The following FTO variants were observed in gnomAD, a reference collection of about 807,000 sequenced individuals.
The protein encoded by FTO is alpha-ketoglutarate-dependent dioxygenase FTO.
FTO carries 47 observed loss-of-function variants against 63.9 expected under a neutral mutation model. The ratio of observed to expected loss-of-function variants is 0.74; its 90% CI spans 0.58 to 0.94. The LOEUF is 0.94. Ranked by LOEUF, FTO falls within the 40% of genes least tolerant of loss-of-function variation. The pLI, the probability that FTO is intolerant of heterozygous loss-of-function variation, is 0.00. For missense variants in FTO, 562 were observed against 618.1 expected, an observed-to-expected ratio of 0.91 and a Z score of 0.96; for synonymous variants, 207 against 224.4, an observed-to-expected ratio of 0.92 and a Z score of 0.69.
chr16:53,931,871 A>AACACACACACAC (rs35135177), intron 7 of FTO, among the ~76,000 whole-genome samples: 115 of 145,794 alleles, frequency 7.9e-4, no homozygotes, highest in African/African-American at 2.4e-3. Context: ...TTTTACATTA[A>AACACACACACAC]ACACACACAC....
intron 8 of FTO, among the ~76,000 whole-genome samples, chr16:54,050,010 CACTTG>C (rs2085277135): frequency 6.6e-6 from 1 of 152,186 alleles, no homozygotes. Context: ...CGGCCCTTTT[CACTTG>C]ACTTTTCTCT....
chr16:53,796,376 G>A (rs1442117398), intron 1 of FTO, among the ~76,000 whole-genome samples: 1 of 152,114 alleles, frequency 6.6e-6, no homozygotes, highest in Non-Finnish European at 1.5e-5. Context: ...AACAAACAAA[G>A]GTGGGCATAG....
At chr16:53,774,331 A>G (rs1383748325) in intron 1 of FTO, among the ~76,000 whole-genome samples, 3 of 152,144 alleles carry the variant, frequency 2.0e-5, no homozygotes, top group Non-Finnish European at 4.4e-5. Context: ...CTTATATTCA[A>G]AGCTCCAGGT....
intron 1 of FTO, among the ~76,000 whole-genome samples, chr16:53,733,562 C>T (rs1182702242): frequency 6.6e-6 from 1 of 152,132 alleles, no homozygotes; most frequent in African/African-American, 2.4e-5. Flanking sequence ...TATTTACTTA[C>T]TTGGCTTTGA....
At chr16:53,785,001 T>C (rs112617418) in intron 1 of FTO, among the ~76,000 whole-genome samples, 18 of 152,210 alleles carry the variant, frequency 1.2e-4, no homozygotes, top group African/African-American at 4.3e-4. Flanking sequence ...GAGTGGCAAA[T>C]AGTAAGTAGC....
intron 1 of FTO, among the ~76,000 whole-genome samples, chr16:53,714,151 G>A (rs1171507286): frequency 6.6e-6 from 1 of 152,184 alleles, no homozygotes; most frequent in Non-Finnish European, 1.5e-5. Flanking sequence ...TTATGTTGCA[G>A]CTGCTCTGAG....
At chr16:54,005,915 A>G (rs1400290488) in intron 8 of FTO, among the ~76,000 whole-genome samples, 3 of 152,210 alleles carry the variant, frequency 2.0e-5, no homozygotes, top group Non-Finnish European at 4.4e-5. Flanking sequence ...GAAGTATCCT[A>G]GAAATGTTTT....
At chr16:54,059,670 C>T (rs375490224) in intron 8 of FTO, among the ~76,000 whole-genome samples, 187 of 152,214 alleles carry the variant, frequency 1.2e-3, no homozygotes, top group African/African-American at 4.2e-3. Flanking sequence ...TTGGCCGTTT[C>T]GAAGATAATT....
At chr16:53,822,932 T>TTTCTCTA (rs2078906501) in intron 2 of FTO, among the ~76,000 whole-genome samples, 6 of 152,240 alleles carry the variant, frequency 3.9e-5, no homozygotes, top group African/African-American at 1.4e-4. Flanking sequence ...TTCTCATGAG[T>TTTCTCTA]GTACTGAGAA....
intron 4 of FTO, among the ~76,000 whole-genome samples, chr16:53,864,522 G>A (rs1281681536): frequency 6.6e-6 from 1 of 152,150 alleles, no homozygotes; most frequent in Non-Finnish European, 1.5e-5. Flanking sequence ...GAGATTTCAT[G>A]CTACAGTGAA....
chr16:54,063,932 C>T (rs553471138), intron 8 of FTO: 1 of 152,042 alleles, frequency 6.6e-6, no homozygotes, highest in South Asian at 2.1e-4. Context: ...CTTCTTCTGA[C>T]TGCTTTTAAG....
intron 1 of FTO, among the ~76,000 whole-genome samples, chr16:53,718,503 C>G (rs1321285888): frequency 6.6e-6 from 1 of 151,952 alleles, no homozygotes; most frequent in Non-Finnish European, 1.5e-5. Context: ...TAATTATACT[C>G]TCCTCTCCTT....
intron 8 of FTO, among the ~76,000 whole-genome samples, chr16:54,058,366 A>G (rs1567545284): frequency 6.6e-6 from 1 of 151,936 alleles, no homozygotes; most frequent in East Asian, 1.9e-4. Flanking sequence ...CAGGTGATTC[A>G]CCCACCTCAG....
At chr16:54,062,270 C>T (rs2085595359) in intron 8 of FTO, among the ~76,000 whole-genome samples, 1 of 152,190 alleles carries the variant, frequency 6.6e-6, no homozygotes. Context: ...CTGAAAATGA[C>T]AACATTCAAA....
intron 3 of FTO, among the ~76,000 whole-genome samples, chr16:53,838,722 C>G (rs935069655): frequency 5.3e-5 from 8 of 151,736 alleles, no homozygotes; most frequent in African/African-American, 1.9e-4. Flanking sequence ...GCCTGTAATC[C>G]CCACCACTCA....
chr16:54,061,605 T>TTGTGTGTGTG (rs78465059), intron 8 of FTO: 1 of 149,454 alleles, frequency 6.7e-6, no homozygotes, highest in Non-Finnish European at 1.5e-5. Context: ...GCATGTGTGT[T>TTGTGTGTGTG]TGTGTGTGTG....
chr16:53,792,227 A>AT (rs2077942975), intron 1 of FTO, among the ~76,000 whole-genome samples: 1 of 152,154 alleles, frequency 6.6e-6, no homozygotes, highest in East Asian at 1.9e-4. Flanking sequence ...TCTTTTAGGT[A>AT]TTTTTCTTTC....
At chr16:54,060,529 C>G (rs1352299270) in intron 8 of FTO, among the ~76,000 whole-genome samples, 2 of 152,166 alleles carry the variant, frequency 1.3e-5, no homozygotes, top group African/African-American at 2.4e-5. Context: ...GGTCTAACAA[C>G]TAGGAAGTAG....
intron 8 of FTO, among the ~76,000 whole-genome samples, chr16:53,973,209 C>A (rs1299854376): frequency 6.6e-6 from 1 of 152,160 alleles, no homozygotes; most frequent in Non-Finnish European, 1.5e-5. Context: ...TGGGCTCCCG[C>A]CATTTCAGAG....
Sources: allele counts gnomAD v4.1 joint callset (sites outside exome capture counted in the v4.1 genomes callset), GRCh38; gene constraint gnomAD v4.1.1; transcripts MANE v1.5; gene names NCBI Gene and HGNC (gene_info 2026-07-23, HGNC 2026-07-21).